Variants in TNS1 observed in about 807,000 individuals in gnomAD.
TNS1 encodes the protein tensin 1, also known as tensin-1.
A neutral mutation model predicts 168.6 loss-of-function variants in TNS1; 62 were observed. The observed-to-expected ratio is 0.37, with a 90% CI of 0.30 to 0.45. The LOEUF (loss-of-function observed/expected upper bound fraction) is 0.45. Among genes scored for constraint, TNS1 ranks in the 20% least tolerant of loss-of-function variants. The probability of loss-of-function intolerance (pLI) is 1.00; values close to 1 mark genes in which losing one functional copy is unlikely to be tolerated. For synonymous variants in TNS1, 934 were observed against 933.2 expected (o/e 1.00, Z -0.02); for missense variants, 2,240 against 2,339.4 (o/e 0.96, Z 0.88).
chr2:217,969,155 A>G (rs932576657), intron 3 of TNS1, among the ~76,000 whole-genome samples: 1 of 152,216 alleles, frequency 6.6e-6, no homozygotes. Flanking sequence ...GAAAAAGAAT[A>G]AAGTCAGAGA....
At chr2:217,931,739 T>C (rs1956333762) in intron 3 of TNS1, among the ~76,000 whole-genome samples, 1 of 152,208 alleles carries the variant, frequency 6.6e-6, no homozygotes, top group South Asian at 2.1e-4. Context: ...GTAACAGTTT[T>C]TGAGGAGGAG....
intron 11 of TNS1, among the ~76,000 whole-genome samples, chr2:217,891,411 A>G (rs887107535): frequency 6.6e-6 from 1 of 152,178 alleles, no homozygotes; most frequent in Non-Finnish European, 1.5e-5. Flanking sequence ...CTCAAAGGTG[A>G]CTATGGAGAT....
chr2:217,946,993 A>G (rs567558371), intron 3 of TNS1, among the ~76,000 whole-genome samples: 66 of 150,936 alleles, frequency 4.4e-4, no homozygotes, highest in Non-Finnish European at 8.3e-4. Context: ...ACACACACAC[A>G]CAGTAAAAAC....
intron 1 of TNS1, among the ~76,000 whole-genome samples, chr2:218,002,547 C>G (rs138609552): frequency 2.2e-3 from 281 of 130,386 alleles, no homozygotes; most frequent in African/African-American, 7.8e-3. Flanking sequence ...GCAAACTTCT[C>G]TGTGGCCTCC....
In TNS1 at chr2:218,033,883, C is replaced by A. The variant is rs1476343558; in HGVS notation, c.93G>T (p.Ala31=). 1.3e-5 allele frequency among the ~76,000 whole-genome samples: 2 copies of A among 152,206 alleles called. No homozygotes were observed. Among genetic ancestry groups the A allele is most frequent in the African/African-American group, 4.8e-5 (2 of 41,454 alleles). Residue 31 remains alanine (A), a synonymous_variant, in exon 1 of 2, where the codon GCG becomes GCT. Coordinates refer to the TNS1 transcript ENST00000649572. The surrounding 1 kb of genome is among the most constrained non-coding windows in gnomAD (Gnocchi z 4.3). Reference sequence around the variant, plus strand: ...CCCCGGACTCCCAGCACTCAGCCCGCGCCGAGACCCAGGGACTCCCCGGGG... The same window carrying A: ...CCCCGGACTCCCAGCACTCAGCCCGAGCCGAGACCCAGGGACTCCCCGGGG...
chr2:217,925,122 T>C lies in TNS1; in HGVS notation c.187-4886A>G, dbSNP rs574593615. ...GCTTGCAAAAATATAAGTGCTATTATTGCCTATTTTATTGTGTAAAATGGC... is the reference window on the plus strand; with the variant it reads ...GCTTGCAAAAATATAAGTGCTATTACTGCCTATTTTATTGTGTAAAATGGC... On this transcript the variant is annotated intron_variant, in intron 3 of 32. Transcript: ENST00000682258. 3.3e-5 allele frequency among the ~76,000 whole-genome samples: 5 copies of C among 152,374 alleles called. No homozygotes were observed. In the South Asian group the frequency reaches 6.2e-4, roughly 19 times the overall value.
Position 217,830,294 on chromosome 2 carries a change from G to A in TNS1, c.3373+1161C>T, listed in dbSNP as rs569500606. ...GTGGCTCAGTGTCCCTGGCCATGCC[G>A]ACACTCTGAGTGGGAGGCTATGCCC... On this transcript the variant is annotated intron_variant, in intron 22 of 32. Transcript: ENST00000682258. The A allele has an allele frequency of 1.5e-4, 245 of 1,596,664 alleles. 1 individual carries two copies. The highest frequency in any genetic ancestry group is 1.9e-4 in the Non-Finnish European group (224 of 1,167,676).
intron 1 of TNS1, among the ~76,000 whole-genome samples, chr2:218,031,926 C>T (rs1958902913): frequency 6.6e-6 from 1 of 152,214 alleles, no homozygotes; most frequent in African/African-American, 2.4e-5. Flanking sequence ...AGTCTCCTCC[C>T]CACTGCTCCC....
rs865924810 is a variant in TNS1, at chr2:217,831,972, G to C, written c.3281-425C>G. 5.5e-3 allele frequency among the ~76,000 whole-genome samples: 609 copies of C among 110,920 alleles called. 11 individuals carry two copies. The highest frequency in any genetic ancestry group is 0.023 in the African/African-American group (548 of 24,176). 72.8% of individuals were successfully genotyped at this position (110,920 alleles called of 152,430 possible). ...ACACACACACACACACACACACACA[G>C]ACACACACAGTCCATTTAAAACATG... On this transcript the variant is annotated intron_variant, in intron 21 of 32. Transcript: ENST00000682258.
intron 3 of TNS1, among the ~76,000 whole-genome samples, chr2:217,958,587 T>C (rs1423039157): frequency 2.6e-5 from 4 of 152,200 alleles, no homozygotes; most frequent in Non-Finnish European, 5.9e-5. Context: ...ATAGCCCTCA[T>C]GGGTAGACCT....
At chr2:217,902,675 G>A (rs570944994) in intron 6 of TNS1, among the ~76,000 whole-genome samples, 5 of 152,238 alleles carry the variant, frequency 3.3e-5, no homozygotes, top group South Asian at 4.2e-4. Flanking sequence ...TGGCCAGGCC[G>A]CCTCCAGAGG....
chr2:217,891,262 G>A (rs1951717746), intron 11 of TNS1, among the ~76,000 whole-genome samples: 1 of 152,130 alleles, frequency 6.6e-6, no homozygotes, highest in South Asian at 2.1e-4. Flanking sequence ...GCCGCACTCA[G>A]CCCAGGCTTT....
At chr2:217,885,374 G>A (rs564253539) in intron 15 of TNS1, among the ~76,000 whole-genome samples, 1 of 152,330 alleles carries the variant, frequency 6.6e-6, no homozygotes, top group South Asian at 2.1e-4. Flanking sequence ...GGCCTCTGGG[G>A]ACAAAAATGT....
chr2:217,864,185 C>T (rs541360687), intron 18 of TNS1, among the ~76,000 whole-genome samples: 39 of 152,304 alleles, frequency 2.6e-4, no homozygotes, highest in Middle Eastern at 3.4e-3. Context: ...CCACTCACCG[C>T]GCTTCTGCTT....
intron 3 of TNS1, among the ~76,000 whole-genome samples, chr2:217,937,670 C>A (rs144996417): frequency 1.3e-5 from 2 of 152,292 alleles, no homozygotes; most frequent in East Asian, 3.9e-4. Context: ...CCAGCAGAGG[C>A]CCCGGGGAGA....
At chr2:217,943,606 C>A (rs376887842) in intron 3 of TNS1, among the ~76,000 whole-genome samples, 19 of 152,186 alleles carry the variant, frequency 1.2e-4, no homozygotes, top group East Asian at 9.6e-4. Context: ...ACAAGCCGCA[C>A]CCCAGACATC....
chr2:217,825,224 T>C (rs1943441457), intron 22 of TNS1, among the ~76,000 whole-genome samples: 1 of 152,166 alleles, frequency 6.6e-6, no homozygotes, highest in Non-Finnish European at 1.5e-5. Context: ...TGGCTCAGGA[T>C]AGCTTTGGCC....
intron 28 of TNS1, among the ~76,000 whole-genome samples, chr2:217,810,876 A>G (rs1940750220): frequency 7.1e-6 from 1 of 140,592 alleles, no homozygotes; most frequent in South Asian, 2.2e-4. Flanking sequence ...TACATGGTAC[A>G]TAATTTTTTT....
chr2:217,960,960 C>T (rs138840645), intron 3 of TNS1, among the ~76,000 whole-genome samples: 234 of 152,246 alleles, frequency 1.5e-3, no homozygotes, highest in Non-Finnish European at 3.0e-3. Flanking sequence ...AACTGGCACC[C>T]AGGGAAGCAG....
Sources: gnomAD v4.1 joint callset for allele counts (sites outside exome capture counted in the v4.1 genomes callset) on GRCh38, gnomAD v4.1.1 for gene constraint, Gnocchi (gnomAD v3.1) non-coding constraint, MANE v1.5 for transcripts, NCBI Gene and HGNC (gene_info 2026-07-23, HGNC 2026-07-21) for gene names.